Variants in TLN2 observed in about 807,000 individuals in gnomAD.
The protein encoded by TLN2 is talin 2.
A neutral mutation model predicts 294.7 loss-of-function variants in TLN2; 118 were observed. The observed-to-expected ratio is 0.40, with a 90% CI of 0.34 to 0.47. The LOEUF is 0.47. Among genes scored for constraint, TLN2 ranks in the 20% least tolerant of loss-of-function variants. The pLI is 0.84. For synonymous variants in TLN2, 1,431 were observed against 1,304.5 expected (o/e 1.10, Z -2.09); for missense variants, 3,083 against 3,282.2 (o/e 0.94, Z 1.48).
At chr15:62,516,300 G>A (rs2040188433) in intron 1 of TLN2, among the ~76,000 whole-genome samples, 1 of 152,230 alleles carries the variant, frequency 6.6e-6, no homozygotes. Context: ...AGAACAACAT[G>A]TGAGTTTGCC....
chr15:62,402,674 G>A (rs1289450724), intron 1 of TLN2, among the ~76,000 whole-genome samples: 2 of 151,998 alleles, frequency 1.3e-5, no homozygotes, highest in African/African-American at 2.4e-5. Context: ...AACCTCAAGG[G>A]GACTCTTGAC....
At chr15:62,833,428 C>A (rs2069091359) in intron 54 of TLN2, 76 bp from the exon 55 acceptor site, 3 of 1,557,328 alleles carry the variant, frequency 1.9e-6, no homozygotes, top group Non-Finnish European at 2.6e-6. Flanking sequence ...CCAGGTGACC[C>A]GGCAGTAAGT....
At chr15:62,477,440 G>C (rs1259973337) in intron 1 of TLN2, among the ~76,000 whole-genome samples, 2 of 152,170 alleles carry the variant, frequency 1.3e-5, no homozygotes, top group Non-Finnish European at 2.9e-5. Context: ...GTCTCTTCTA[G>C]CTGCAGGAGA....
At chr15:62,679,106 A>G (rs943064598) in intron 11 of TLN2, among the ~76,000 whole-genome samples, 1 of 152,032 alleles carries the variant, frequency 6.6e-6, no homozygotes, top group Non-Finnish European at 1.5e-5. Flanking sequence ...ACTCGGAATC[A>G]AAAAGTCTGA....
chr15:62,641,212 A>G (rs1445375768), intron 3 of TLN2, among the ~76,000 whole-genome samples: 7 of 152,214 alleles, frequency 4.6e-5, no homozygotes, highest in Non-Finnish European at 8.8e-5. Context: ...TCTAGTACAT[A>G]ATAGATACAA....
At chr15:62,641,022 A>G (rs1409955204) in intron 3 of TLN2, among the ~76,000 whole-genome samples, 2 of 151,408 alleles carry the variant, frequency 1.3e-5, no homozygotes, top group Non-Finnish European at 2.9e-5. Context: ...GGCTGGTCTC[A>G]AACTCCTGAC....
chr15:62,487,890 G>T (rs996760152), intron 1 of TLN2, among the ~76,000 whole-genome samples: 3 of 151,676 alleles, frequency 2.0e-5, no homozygotes, highest in African/African-American at 7.3e-5. Flanking sequence ...GAAACAGAGT[G>T]AGAATCCGTC....
chr15:62,719,636 T>G, intron 24 of TLN2, 131 bp from the exon 25 acceptor site: 2 of 634,464 alleles, frequency 3.2e-6, no homozygotes, highest in Non-Finnish European at 5.2e-6. Context: ...GCAGTGTCTA[T>G]CCAAGGTCTG....
chr15:62,502,188 T>A (rs960376121), intron 1 of TLN2, among the ~76,000 whole-genome samples: 1 of 152,246 alleles, frequency 6.6e-6, no homozygotes, highest in Non-Finnish European at 1.5e-5. Flanking sequence ...CTCCTTGACA[T>A]GCTGCTGCTC....
At chr15:62,485,506 T>A (rs1158599825) in intron 1 of TLN2, among the ~76,000 whole-genome samples, 2 of 152,160 alleles carry the variant, frequency 1.3e-5, no homozygotes, top group African/African-American at 2.4e-5. Flanking sequence ...ACAGGAGTCA[T>A]CCCTTCCCAT....
At chr15:62,586,186 G>A (rs1039549924) in intron 1 of TLN2, among the ~76,000 whole-genome samples, 8 of 152,166 alleles carry the variant, frequency 5.3e-5, no homozygotes, top group Admixed American at 2.0e-4. Context: ...CGCACTAAAG[G>A]GGGTCAGAAC....
At chr15:62,548,369 G>T (rs2042110469) in intron 1 of TLN2, among the ~76,000 whole-genome samples, 1 of 152,164 alleles carries the variant, frequency 6.6e-6, no homozygotes, top group African/African-American at 2.4e-5. Context: ...AAGTAGGAGT[G>T]GGGTAGACAT....
At chr15:62,446,497 C>T (rs1464163568) in intron 1 of TLN2, among the ~76,000 whole-genome samples, 13 of 152,100 alleles carry the variant, frequency 8.5e-5, no homozygotes, top group Non-Finnish European at 5.9e-5. Context: ...TAGAAGAGTG[C>T]TTACTTAAAT....
At chr15:62,466,088 G>C (rs886891603) in intron 1 of TLN2, among the ~76,000 whole-genome samples, 5 of 152,192 alleles carry the variant, frequency 3.3e-5, no homozygotes, top group African/African-American at 1.2e-4. Context: ...AATGCCCCCT[G>C]ATCAGGGGAG....
intron 3 of TLN2, among the ~76,000 whole-genome samples, chr15:62,636,563 C>A (rs1219286352): frequency 1.3e-5 from 2 of 151,682 alleles, no homozygotes; most frequent in Non-Finnish European, 3.0e-5. Context: ...TTTTTAATTT[C>A]TTTCCTTTTT....
At chr15:62,807,874 G>A (rs933843714) in intron 51 of TLN2, among the ~76,000 whole-genome samples, 2 of 152,170 alleles carry the variant, frequency 1.3e-5, no homozygotes, top group South Asian at 2.1e-4. Context: ...CTGACTTAGC[G>A]AACTCACTAA....
chr15:62,619,050 G>C (rs1187082118), intron 3 of TLN2, among the ~76,000 whole-genome samples: 1 of 151,732 alleles, frequency 6.6e-6, no homozygotes, highest in Non-Finnish European at 1.5e-5. Flanking sequence ...TTCTTAGTTT[G>C]GATTAATTTA....
Position 62,708,689 on chromosome 15 carries a change from A to G in TLN2, c.2360A>G (p.His787Arg), listed in dbSNP as rs758172653. ...VSQALHDLLQ[H>R]VRQFASRGEP... ...CAGGCCCTCCATGATCTCCTGCAGC[A>G]TGTGCGGCAGTTTGCCAGCCGAGGC... Residue 787 changes from histidine (H) to arginine (R), a missense_variant, in exon 21 of 59, where the codon CAT (histidine) becomes CGT (arginine). His to Arg is a conservative substitution (Grantham distance 29). Coordinates refer to ENST00000636159, the MANE Select transcript of TLN2 (RefSeq NM_015059.3). 1 of 1,614,110 alleles carries G rather than the reference A, an allele frequency of 6.2e-7. No individual in the cohort carries two copies. Among genetic ancestry groups the G allele is most frequent in the Non-Finnish European group, 8.5e-7 (1 of 1,180,040 alleles).
chr15:62,768,906 C>T (rs1021959214), intron 41 of TLN2, among the ~76,000 whole-genome samples: 4 of 152,200 alleles, frequency 2.6e-5, no homozygotes, highest in African/African-American at 9.6e-5. Context: ...TATTAATCCC[C>T]ATTTTACAGA....
Sources: allele counts gnomAD v4.1 joint callset (sites outside exome capture counted in the v4.1 genomes callset), GRCh38; gene constraint gnomAD v4.1.1; transcripts MANE v1.5; gene names NCBI Gene and HGNC (gene_info 2026-07-23, HGNC 2026-07-21).